The following HSPG2 variants were observed in gnomAD, a reference collection of about 807,000 sequenced individuals.
HSPG2 encodes the protein heparan sulfate proteoglycan 2.
HSPG2 carries 278 observed loss-of-function variants against 526.6 expected under a neutral mutation model. That is an observed-to-expected ratio of 0.53 (90% CI 0.48 to 0.58). The LOEUF (loss-of-function observed/expected upper bound fraction) is 0.58, where lower values mean the gene tolerates loss of function less well. Ranked by LOEUF, HSPG2 falls within the 20% of genes least tolerant of loss-of-function variation. The pLI is 0.00. For missense variants in HSPG2, 5,354 were observed against 6,099.5 expected (o/e 0.88, Z 4.07); for synonymous variants, 2,465 against 2,555.4 (o/e 0.96, Z 1.07).
At chr1:21,876,123 G>A (rs527919510) in intron 23 of HSPG2, 81 bp from the exon 24 acceptor site, 4 of 1,577,022 alleles carry the variant, frequency 2.5e-6, no homozygotes, top group Non-Finnish European at 2.6e-6. Context: ...TCCATGCAGT[G>A]TATCTCACTA....
At chr1:21,933,732 C>A (rs1644408726) in intron 1 of HSPG2, among the ~76,000 whole-genome samples, 1 of 152,242 alleles carries the variant, frequency 6.6e-6, no homozygotes, top group South Asian at 2.1e-4. Context: ...TTCTACCCTG[C>A]AGACAGACCT....
chr1:21,853,764 A>AC, intron 50 of HSPG2: 1 of 163,616 alleles, frequency 6.1e-6, no homozygotes. Flanking sequence ...AATAAAATAA[A>AC]ATAAAATAAA....
At chr1:21,827,801 G>A (rs1160992251) in intron 91 of HSPG2, 62 bp downstream of exon 91, 5 of 1,500,552 alleles carry the variant, frequency 3.3e-6, no homozygotes, top group Non-Finnish European at 4.5e-6. Flanking sequence ...AATTGAGGGT[G>A]TGGGGTAACT....
rs1217976261 is a variant in HSPG2 at position 21,890,844 on chromosome 1, T to A, written c.245-150A>T. 1.4e-6 allele frequency: 1 copy of A among 696,720 alleles called. No homozygotes were observed. Among genetic ancestry groups the A allele is most frequent in the African/African-American group, 1.8e-5 (1 of 56,984 alleles). 43.2% of individuals were successfully genotyped at this position (696,720 alleles called of 1,614,324 possible). ...GTGTGCCCACTGCTACACCCAGGACTGCCTGTAGGTATACATGCTCAGGGG... is the reference window on the plus strand; with the variant it reads ...GTGTGCCCACTGCTACACCCAGGACAGCCTGTAGGTATACATGCTCAGGGG... On this transcript the variant is annotated intron_variant, in intron 3 of 96. Transcript: ENST00000374695. The surrounding 1 kb of genome is among the most constrained non-coding windows in gnomAD (Gnocchi z 4.1).
chr1:21,856,875 G>C (rs1205344206), intron 44 of HSPG2, 140 bp downstream of exon 44: 2 of 891,360 alleles, frequency 2.2e-6, no homozygotes, highest in Non-Finnish European at 3.7e-6. Context: ...TCTCTCCCCT[G>C]CTTCTGCAGA....
chr1:21,836,358 G>A (rs1226284965), intron 75 of HSPG2, among the ~76,000 whole-genome samples: 1 of 152,192 alleles, frequency 6.6e-6, no homozygotes, highest in Non-Finnish European at 1.5e-5. Context: ...TTTTGCTCTT[G>A]TCACCCAGGT....
Position 21,828,424 on chromosome 1 carries a change from C to T in HSPG2, c.12240G>A (p.Val4080=), listed in dbSNP as rs1267310907. ...SAHFRGCVGE[V]SVNGKRLDLT... ...GGTCCAGCCGTTTGCCATTCACTGA[C>T]ACCTGTGGGGACAGGGACACCGAGG... The change falls in exon 89 of 97, where the codon GTG becomes GTA. Residue 4080 remains valine, a splice_region_variant and synonymous_variant. Coordinates refer to ENST00000374695, the MANE Select transcript of HSPG2 (RefSeq NM_005529.7). The surrounding 1 kb of genome is among the most constrained non-coding windows in gnomAD (Gnocchi z 6.0). 1.2e-6 allele frequency: 2 copies of T among 1,613,300 alleles called. No individual in the cohort carries two copies. The highest frequency in any genetic ancestry group is 3.3e-5 in the Admixed American group (2 of 60,016).
At chr1:21,874,161 G>C (rs1194510658) in intron 28 of HSPG2, 150 bp from the exon 29 acceptor site, 2 of 840,426 alleles carry the variant, frequency 2.4e-6, no homozygotes, top group Non-Finnish European at 3.8e-6. Flanking sequence ...ACTGTGCTAA[G>C]AGTTCCACAT....
chr1:21,931,256 AC>A (rs1245395672), intron 1 of HSPG2, among the ~76,000 whole-genome samples: 2 of 152,224 alleles, frequency 1.3e-5, no homozygotes, highest in East Asian at 3.8e-4. Context: ...CCCTGACGCC[AC>A]CAGGCTGGGC....
chr1:21,858,893 G>T lies in HSPG2; in HGVS notation c.5293+673C>A, dbSNP rs1639550963. On this transcript the variant is annotated intron_variant, in intron 42 of 96. Transcript: ENST00000374695. The surrounding 1 kb of genome is among the most constrained non-coding windows in gnomAD (Gnocchi z 4.2). ...AGGGCAGGGTGACTTTGAGGTGCGT[G>T]TTTTACACCGGCTCCCTTTAAAAGC... 6.6e-6 allele frequency among the ~76,000 whole-genome samples: 1 copy of T among 151,776 alleles called. No individual in the cohort carries two copies. The highest frequency in any genetic ancestry group is 2.1e-4 in the South Asian group (1 of 4,798).
chr1:21,823,196 G>T lies in HSPG2; in HGVS notation c.*120C>A. The T allele has an allele frequency of 1.0e-6, 1 of 990,856 alleles. No individual in the cohort carries two copies. Among genetic ancestry groups the T allele is most frequent in the Non-Finnish European group, 1.4e-6 (1 of 715,392 alleles). 61.4% of individuals were successfully genotyped at this position (990,856 alleles called of 1,614,324 possible). On this transcript the variant is annotated 3_prime_UTR_variant, in exon 97 of 97. Transcript: ENST00000374695. ...ACCTCCAGTCCAGCCCAGGGCGGTAGCAGCAAAGCGTGGCATCGCCTCGGT... is the reference window on the plus strand; with the variant it reads ...ACCTCCAGTCCAGCCCAGGGCGGTATCAGCAAAGCGTGGCATCGCCTCGGT...
chr1:21,834,478 C>T (rs1050707416), intron 77 of HSPG2, among the ~76,000 whole-genome samples: 1 of 152,166 alleles, frequency 6.6e-6, no homozygotes, highest in Non-Finnish European at 1.5e-5. Flanking sequence ...TCTCCCTGTA[C>T]ATTCCAGGCT....
intron 33 of HSPG2, chr1:21,870,190 G>A: frequency 1.0e-6 from 1 of 959,870 alleles, no homozygotes; most frequent in Non-Finnish European, 1.2e-6. Context: ...GGTACAACCT[G>A]TCCTAGCCAG....
At position 21,831,700 on chromosome 1, in the gene HSPG2, C is replaced by G; in HGVS notation, c.11304G>C (p.Gln3768His). ...CCAGGTCACCCACAATCAGGGAGCC[C>G]TGGGTGAGGCTGCGCAGCAGGGTCA... is the stretch of plus-strand genomic sequence containing the variant. ...HTVTLLRSLT[Q>H]GSLIVGDLAP... The change falls in exon 82 of 97, where the codon CAG becomes CAC. Residue 3768 changes from glutamine (Q) to histidine (H), a missense_variant. Gln to His is a conservative substitution (Grantham distance 24). Coordinates refer to ENST00000374695, the MANE Select transcript of HSPG2 (RefSeq NM_005529.7). The G allele has an allele frequency of 3.1e-6, 5 of 1,605,834 alleles. No homozygotes were observed. Among genetic ancestry groups the G allele is most frequent in the Non-Finnish European group, 4.3e-6 (5 of 1,175,404 alleles).
At chr1:21,933,918 C>G (rs886497706) in intron 1 of HSPG2, among the ~76,000 whole-genome samples, 1 of 152,216 alleles carries the variant, frequency 6.6e-6, no homozygotes, top group Non-Finnish European at 1.5e-5. Flanking sequence ...CTGGCAGCCT[C>G]CCCAGTGAGG....
intron 1 of HSPG2, among the ~76,000 whole-genome samples, chr1:21,897,009 T>C (rs1297918628): frequency 6.6e-6 from 1 of 152,174 alleles, no homozygotes; most frequent in Non-Finnish European, 1.5e-5. Flanking sequence ...CTCAGGCTGC[T>C]GCCGAGCCCA....
intron 11 of HSPG2, 47 bp from the exon 12 acceptor site, chr1:21,884,965 A>G (rs1299169338): frequency 1.2e-6 from 2 of 1,613,858 alleles, no homozygotes; most frequent in South Asian, 2.2e-5. Flanking sequence ...AGGGCTCTGG[A>G]CCAGCTGCCC....
chr1:21,877,059 C>A (rs1169354007), intron 21 of HSPG2, among the ~76,000 whole-genome samples: 270 of 103,074 alleles, frequency 2.6e-3, no homozygotes, highest in East Asian at 2.9e-3. Flanking sequence ...GACTCCATCT[C>A]AAAAAAAAAA....
intron 33 of HSPG2, among the ~76,000 whole-genome samples, chr1:21,868,564 G>C (rs963019575): frequency 4.6e-5 from 7 of 152,208 alleles, no homozygotes; most frequent in East Asian, 1.9e-4. Flanking sequence ...ATGACTGAGT[G>C]AAGTACCAAA....
Sources: allele counts gnomAD v4.1 joint callset (sites outside exome capture counted in the v4.1 genomes callset), GRCh38; gene constraint gnomAD v4.1.1; non-coding constraint Gnocchi (gnomAD v3.1); transcripts MANE v1.5; gene names NCBI Gene and HGNC (gene_info 2026-07-23, HGNC 2026-07-21).